CSTPP1: variants seen among roughly 807,000 people sequenced by gnomAD.
CSTPP1 encodes the protein UPF0705 protein C11orf49.
chr11:47,052,582 CCTCT>C, the CSTPP1 span: 16 of 1,549,650 alleles, frequency 1.0e-5, no homozygotes, highest in African/African-American at 6.9e-5. Flanking sequence ...TTCCTTCCTT[CCTCT>C]CTCTCTCTTT....
At chr11:47,118,455 A>G in the CSTPP1 span, among the ~76,000 whole-genome samples, 834 of 152,138 alleles carry the variant, frequency 5.5e-3, 4 homozygotes, top group Non-Finnish European at 9.7e-3. Context: ...ACTTCTGTCA[A>G]CTCTTCAAAG....
chr11:47,113,482 C>T, the CSTPP1 span, among the ~76,000 whole-genome samples: 2 of 152,174 alleles, frequency 1.3e-5, no homozygotes, highest in Admixed American at 6.5e-5. Flanking sequence ...TAAAAGTGTT[C>T]CTATTCCTCC....
chr11:47,004,865 T>G, the CSTPP1 span, among the ~76,000 whole-genome samples: 60 of 152,182 alleles, frequency 3.9e-4, no homozygotes, highest in Non-Finnish European at 6.0e-4. Context: ...GGAAGCTGTT[T>G]ATCTATGCTT....
chr11:47,149,757 T>G, the CSTPP1 span, among the ~76,000 whole-genome samples: 1 of 152,266 alleles, frequency 6.6e-6, no homozygotes, highest in Admixed American at 6.5e-5. Flanking sequence ...CATAGACCTC[T>G]GAACATCAAA....
chr11:46,955,997 C>G, the CSTPP1 span, among the ~76,000 whole-genome samples: 145 of 148,818 alleles, frequency 9.7e-4, no homozygotes, highest in African/African-American at 2.5e-3. Flanking sequence ...CCCCCCCCCC[C>G]CCACCAAAAA....
the CSTPP1 span, among the ~76,000 whole-genome samples, chr11:47,147,362 G>A: frequency 5.3e-5 from 8 of 152,194 alleles, no homozygotes; most frequent in African/African-American, 1.9e-4. Context: ...GGAACCAAGA[G>A]AAGCCAGTAG....
chr11:46,958,828 T>C, the CSTPP1 span, among the ~76,000 whole-genome samples: 1 of 152,158 alleles, frequency 6.6e-6, no homozygotes, highest in African/African-American at 2.4e-5. Flanking sequence ...ACCAGAAGCC[T>C]TGGTGTCCCA....
chr11:47,160,196 G>A, the CSTPP1 span: 6 of 155,950 alleles, frequency 3.8e-5, no homozygotes, highest in East Asian at 1.9e-4. Flanking sequence ...TCTCAGCTAC[G>A]CAGGAGGCTG....
At chr11:47,157,296 G>A in the CSTPP1 span, 1 of 1,444,862 alleles carries the variant, frequency 6.9e-7, no homozygotes, top group Non-Finnish European at 9.2e-7. Flanking sequence ...AGCTCCGCAG[G>A]ATGTTCTGCG....
chr11:47,161,939 G>T, the CSTPP1 span: 1 of 1,133,070 alleles, frequency 8.8e-7, no homozygotes, highest in Non-Finnish European at 1.1e-6. Context: ...AACCTCTTAA[G>T]AGCAGTCTCT....
At chr11:47,057,979 G>A in the CSTPP1 span, among the ~76,000 whole-genome samples, 1 of 152,118 alleles carries the variant, frequency 6.6e-6, no homozygotes, top group East Asian at 1.9e-4. Context: ...ATCTTTAAAG[G>A]AATTTAACAA....
the CSTPP1 span, chr11:47,041,451 C>T: frequency 3.4e-5 from 10 of 290,492 alleles, 1 homozygote; most frequent in African/African-American, 1.7e-4. Context: ...AGACCTAGAA[C>T]GTTGCATGTC....
At chr11:46,963,248 G>C in the CSTPP1 span, among the ~76,000 whole-genome samples, 1 of 151,760 alleles carries the variant, frequency 6.6e-6, no homozygotes, top group African/African-American at 2.4e-5. Context: ...ATGTTAACTG[G>C]GGGAGTTTTG....
chr11:46,992,493 G>T, the CSTPP1 span, among the ~76,000 whole-genome samples: 1 of 149,784 alleles, frequency 6.7e-6, no homozygotes, highest in Non-Finnish European at 1.5e-5. Context: ...GCGGTGTTTG[G>T]TTTTCTCTCC....
the CSTPP1 span, among the ~76,000 whole-genome samples, chr11:47,010,301 G>C: frequency 6.6e-6 from 1 of 152,186 alleles, no homozygotes; most frequent in Non-Finnish European, 1.5e-5. Context: ...TTCCTCAAAA[G>C]AGTGGGACCA....
chr11:47,052,748 C>A, the CSTPP1 span: 2 of 447,416 alleles, frequency 4.5e-6, no homozygotes, highest in South Asian at 5.4e-5. Flanking sequence ...TTACCACTAC[C>A]ATCACTAATG....
chr11:46,979,203 C>T, the CSTPP1 span, among the ~76,000 whole-genome samples: 1 of 152,120 alleles, frequency 6.6e-6, no homozygotes, highest in South Asian at 2.1e-4. Context: ...CTGCCTCAGC[C>T]TCCTGAGTAA....
the CSTPP1 span, among the ~76,000 whole-genome samples, chr11:46,972,692 A>C: frequency 6.6e-6 from 1 of 152,164 alleles, no homozygotes; most frequent in African/African-American, 2.4e-5. Flanking sequence ...TCTCTAGTTC[A>C]AAATGCAGGA....
the CSTPP1 span, among the ~76,000 whole-genome samples, chr11:46,964,642 T>C: frequency 6.6e-6 from 1 of 152,334 alleles, no homozygotes; most frequent in African/African-American, 2.4e-5. Context: ...TACTTAGAAC[T>C]GTAATTCTCA....
Sources: gnomAD v4.1 joint callset for allele counts (sites outside exome capture counted in the v4.1 genomes callset) on GRCh38, gnomAD v4.1.1 for gene constraint, MANE v1.5 for transcripts, NCBI Gene and HGNC (gene_info 2026-07-23, HGNC 2026-07-21) for gene names.